Variants in LRP1 observed in about 807,000 individuals in gnomAD.
LRP1 encodes LDL receptor related protein 1, also known as prolow-density lipoprotein receptor-related protein 1.
LRP1 carries 51 observed loss-of-function variants against 541.5 expected under a neutral mutation model. That is an observed-to-expected ratio of 0.09 (90% CI 0.08 to 0.12). The LOEUF is 0.12. Ranked by LOEUF, LRP1 falls within the 10% of genes least tolerant of loss-of-function variation. The pLI, the probability that LRP1 is intolerant of heterozygous loss-of-function variation, is 1.00. For synonymous variants in LRP1, 2,219 were observed against 2,470.8 expected, an observed-to-expected ratio of 0.90 and a Z score of 3.02; for missense variants, 3,878 against 6,376.2, an observed-to-expected ratio of 0.61 and a Z score of 13.34.
Position 57,196,190 on chromosome 12 carries a change from C to T in LRP1, c.8805C>T (p.Asp2935=), listed in dbSNP as rs1800193. ...NGQDDCGDSS[D]ERGCHINECL... ...AGGATGACTGTGGCGACAGCTCGGA[C>T]GAGCGTGGCTGCCACATCAATGAGT... Residue 2935 remains aspartate (D), a synonymous_variant, in exon 55 of 89, where the codon GAC becomes GAT. Transcript: ENST00000243077. 7.9e-4 allele frequency: 1,268 copies of T among 1,612,180 alleles called. 1 individual carries two copies. Among genetic ancestry groups the T allele is most frequent in the Non-Finnish European group, 9.3e-4 (1,092 of 1,179,374 alleles).
chr12:57,166,825 G>T, intron 17 of LRP1, 105 bp from the exon 18 acceptor site: 1 of 715,596 alleles, frequency 1.4e-6, no homozygotes, highest in South Asian at 1.6e-5. Context: ...AATGGTTTTG[G>T]ATCCTTGGAA....
At chr12:57,202,783 C>T in intron 68 of LRP1, 2 of 589,956 alleles carry the variant, frequency 3.4e-6, no homozygotes, top group South Asian at 3.9e-5. Flanking sequence ...TCTGATGTGC[C>T]CGTGCTCCCA....
chr12:57,162,991 G>A lies in LRP1; in HGVS notation c.2530+8G>A, dbSNP rs1330845536. ...ACGGCGTCACTTGCTTGGGTATGAG[G>A]TGCCTGGCTGGGTGGGAGTGGGAAG... On this transcript the variant is annotated splice_region_variant and intron_variant, in intron 15 of 88. Transcript: ENST00000243077. This position sits in a 1 kb window ranked among gnomAD's most constrained non-coding sequence, Gnocchi z 5.2. 1.3e-6 allele frequency: 2 copies of A among 1,596,194 alleles called. No homozygotes were observed. The highest frequency in any genetic ancestry group is 1.3e-5 in the African/African-American group (1 of 74,984).
At chr12:57,176,946 G>T in intron 24 of LRP1, 95 bp from the exon 25 acceptor site, 1 of 1,032,908 alleles carries the variant, frequency 9.7e-7, no homozygotes, top group Non-Finnish European at 1.5e-6. Flanking sequence ...GAAGTGCCAG[G>T]GTTGAGGGTG....
rs34210576 is a variant in LRP1 at position 57,161,492 on chromosome 12, C to T, written c.2202+377C>T. On this transcript the variant is annotated intron_variant, in intron 13 of 88. Transcript: ENST00000243077. Reference sequence around the variant, plus strand: ...CTCTGCAAGTGTGAGGGCCTAGGGACGGCATATCTCTACACTTGGTCATTT... The same window carrying T: ...CTCTGCAAGTGTGAGGGCCTAGGGATGGCATATCTCTACACTTGGTCATTT... 7.2e-3 allele frequency among the ~76,000 whole-genome samples: 1,099 copies of T among 152,160 alleles called. 6 individuals carry two copies. Among genetic ancestry groups the T allele is most frequent in the African/African-American group, 0.025 (1,027 of 41,484 alleles).
chr12:57,135,842 G>A (rs1410258561), intron 1 of LRP1, among the ~76,000 whole-genome samples: 1 of 152,146 alleles, frequency 6.6e-6, no homozygotes, highest in South Asian at 2.1e-4. Flanking sequence ...GGGGACAGCG[G>A]GGGGGACTCA....
chr12:57,206,357 G>A lies in LRP1; in HGVS notation c.11591-116G>A. ...GCAGGGAGGGTAAGCAGCAGCTTCT[G>A]GCCGGAGCAGATGGTCCTACCAGGA... is the stretch of plus-strand genomic sequence containing the variant. On this transcript the variant is annotated intron_variant, in intron 75 of 88. Transcript: ENST00000243077. This position sits in a 1 kb window ranked among gnomAD's most constrained non-coding sequence, Gnocchi z 4.7. The A allele has an allele frequency of 9.1e-7, 1 of 1,104,094 alleles. No homozygotes were observed. The highest frequency in any genetic ancestry group is 1.3e-6 in the Non-Finnish European group (1 of 759,586). 68.4% of individuals were successfully genotyped at this position (1,104,094 alleles called of 1,614,324 possible).
rs200529086 is a variant in LRP1, at chr12:57,177,287, C to T, written c.4196+42C>T. Reference sequence around the variant, plus strand: ...GCCTTCTCCTGGCCCCATGGCCCCCCTGAAGTCCCATTCAGCCTGGCCAGG... The same window carrying T: ...GCCTTCTCCTGGCCCCATGGCCCCCTTGAAGTCCCATTCAGCCTGGCCAGG... On this transcript the variant is annotated intron_variant, in intron 25 of 88. Transcript: ENST00000243077. The surrounding 1 kb of genome is among the most constrained non-coding windows in gnomAD (Gnocchi z 6.8). 1 of 1,604,418 alleles carries T rather than the reference C, an allele frequency of 6.2e-7. No homozygotes were observed. The highest frequency in any genetic ancestry group is 8.5e-7 in the Non-Finnish European group (1 of 1,172,644).
intron 61 of LRP1, 135 bp downstream of exon 61, chr12:57,199,535 CAG>C (rs1034357785): frequency 1.8e-5 from 18 of 991,120 alleles, no homozygotes; most frequent in African/African-American, 8.1e-5. Context: ...AGGGTCTAGA[CAG>C]GGGATGGTCT....
At chr12:57,192,528 C>T (rs569568929) in intron 44 of LRP1, among the ~76,000 whole-genome samples, 141 of 152,266 alleles carry the variant, frequency 9.3e-4, no homozygotes, top group East Asian at 3.9e-4. Flanking sequence ...GTCTCCCATG[C>T]GCCCTGGGGC....
chr12:57,191,490 C>T lies in LRP1; in HGVS notation c.7407C>T (p.Ala2469=), dbSNP rs1800140. 38 of 1,596,534 alleles carry T rather than the reference C, an allele frequency of 2.4e-5. No homozygotes were observed. Among genetic ancestry groups the T allele is most frequent in the East Asian group, 2.0e-4 (9 of 44,516 alleles). ...DIPQQPMGII[A]VANDTNSCEL... ...CCCAGCAGCCCATGGGCATCATCGCCGTGGCCAACGACACCAACAGCTGTG... is the reference window on the plus strand; with the variant it reads ...CCCAGCAGCCCATGGGCATCATCGCTGTGGCCAACGACACCAACAGCTGTG... Residue 2469 remains alanine, a synonymous_variant, in exon 44 of 89, where the codon GCC becomes GCT. Coordinates refer to ENST00000243077, the MANE Select transcript of LRP1 (RefSeq NM_002332.3).
intron 1 of LRP1, among the ~76,000 whole-genome samples, chr12:57,133,737 A>G (rs2136649295): frequency 6.6e-6 from 1 of 150,674 alleles, no homozygotes; most frequent in Admixed American, 6.6e-5. Context: ...AGGGGAGCCT[A>G]TCTCTCCTTC....
intron 13 of LRP1, among the ~76,000 whole-genome samples, chr12:57,161,712 G>A (rs572771899): frequency 6.6e-6 from 1 of 152,144 alleles, no homozygotes; most frequent in South Asian, 2.1e-4. Context: ...CATTACTCAT[G>A]CAGTTCATTC....
intron 42 of LRP1, among the ~76,000 whole-genome samples, chr12:57,188,187 C>T (rs1289437538): frequency 1.3e-5 from 2 of 152,152 alleles, no homozygotes; most frequent in Non-Finnish European, 1.5e-5. Flanking sequence ...GGAGGGTTCA[C>T]CCGCAGTCAG....
At chr12:57,161,613 C>T (rs2035735463) in intron 13 of LRP1, among the ~76,000 whole-genome samples, 1 of 152,088 alleles carries the variant, frequency 6.6e-6, no homozygotes. Flanking sequence ...CTTTTCTCCC[C>T]ACTTCCTTCA....
In LRP1 at chr12:57,138,588, A is replaced by T; in HGVS notation, c.190+7A>T. On this transcript the variant is annotated splice_region_variant and intron_variant, in intron 2 of 88. Transcript: ENST00000243077. ...GACGAGGCCCCTGAGATTTGTAAGT[A>T]CCTTTTCTGGATTCTTCTCCCCAAA... 6.2e-7 allele frequency: 1 copy of T among 1,613,616 alleles called. No individual in the cohort carries two copies. Among genetic ancestry groups the T allele is most frequent in the South Asian group, 1.1e-5 (1 of 91,036 alleles).
At chr12:57,168,615 TCC>T (rs1280368443) in intron 19 of LRP1, among the ~76,000 whole-genome samples, 12 of 152,122 alleles carry the variant, frequency 7.9e-5, no homozygotes, top group Non-Finnish European at 1.5e-4. Flanking sequence ...AGCAGGAGCT[TCC>T]TTCAGCCAGC....
At position 57,200,034 on chromosome 12, in the gene LRP1, G is replaced by A; in HGVS notation, c.10014+9G>A. 6.3e-7 allele frequency: 1 copy of A among 1,589,962 alleles called. No homozygotes were observed. Among genetic ancestry groups the A allele is most frequent in the Admixed American group, 1.9e-5 (1 of 52,012 alleles). Reference sequence around the variant, plus strand: ...ACTGCACGGCTAGCCAGGTGAGGCTGTCCCCCAGACCCCATCACCAGTGCC... The same window carrying A: ...ACTGCACGGCTAGCCAGGTGAGGCTATCCCCCAGACCCCATCACCAGTGCC... On this transcript the variant is annotated intron_variant, in intron 62 of 88. Transcript: ENST00000243077.
At position 57,141,069 on chromosome 12, in the gene LRP1, A is replaced by G. The variant is rs1429396992; in HGVS notation, c.191-305A>G. 3.3e-5 allele frequency among the ~76,000 whole-genome samples: 5 copies of G among 152,270 alleles called. No homozygotes were observed. The East Asian group carries it at 7.7e-4, about 24-fold the overall frequency. ...CTTTTACTGACCTCAGTCGTCATCA[A>G]AAACCAGGCTGTCTTCAGCCTGTCT... On this transcript the variant is annotated intron_variant, in intron 2 of 88. Transcript: ENST00000243077.
Sources: allele counts gnomAD v4.1 joint callset (sites outside exome capture counted in the v4.1 genomes callset), GRCh38; gene constraint gnomAD v4.1.1; non-coding constraint Gnocchi (gnomAD v3.1); transcripts MANE v1.5; gene names NCBI Gene and HGNC (gene_info 2026-07-23, HGNC 2026-07-21).